DLGAP2: variants seen among roughly 807,000 people sequenced by gnomAD.
DLGAP2 encodes DLG associated protein 2.
In DLGAP2, 26 loss-of-function variants were observed where a neutral mutation model predicts 100.3. The observed-to-expected ratio is 0.26, with a 90% CI of 0.19 to 0.36. The LOEUF is 0.36. Ranked by LOEUF, DLGAP2 falls within the 10% of genes least tolerant of loss-of-function variation. The pLI, the probability that DLGAP2 is intolerant of heterozygous loss-of-function variation, is 1.00. For missense variants in DLGAP2, 1,858 were observed against 1,453.2 expected, an observed-to-expected ratio of 1.28 and a Z score of -4.53; for synonymous variants, 886 against 630.1, an observed-to-expected ratio of 1.41 and a Z score of -6.08.
intron 3 of DLGAP2, among the ~76,000 whole-genome samples, chr8:1,332,870 C>T (rs543505957): frequency 2.0e-5 from 3 of 152,300 alleles, no homozygotes; most frequent in African/African-American, 4.8e-5. Flanking sequence ...GTGCAGCAGA[C>T]ACGTGTGTTG....
At chr8:947,598 G>T (rs138172220) in intron 2 of DLGAP2, among the ~76,000 whole-genome samples, 136 of 152,148 alleles carry the variant, frequency 8.9e-4, no homozygotes, top group African/African-American at 3.1e-3. Context: ...CACACCAACC[G>T]GCCCAGGCCC....
chr8:846,890 G>C (rs1033551992), intron 1 of DLGAP2, among the ~76,000 whole-genome samples: 4 of 152,122 alleles, frequency 2.6e-5, no homozygotes, highest in Non-Finnish European at 5.9e-5. Flanking sequence ...GCTTGCTCTT[G>C]TTTTGTTTAG....
At chr8:1,306,114 A>C (rs537471244) in intron 3 of DLGAP2, among the ~76,000 whole-genome samples, 10 of 151,618 alleles carry the variant, frequency 6.6e-5, no homozygotes, top group African/African-American at 2.4e-4. Context: ...AAAAAATAGA[A>C]AATCATCCAA....
At chr8:1,187,061 G>T (rs1797521109) in intron 2 of DLGAP2, among the ~76,000 whole-genome samples, 1 of 152,134 alleles carries the variant, frequency 6.6e-6, no homozygotes, top group African/African-American at 2.4e-5. Context: ...TCCCATGGAA[G>T]GGCTGTTCTG....
chr8:1,092,122 T>G (rs772462967), intron 2 of DLGAP2, among the ~76,000 whole-genome samples: 6 of 152,206 alleles, frequency 3.9e-5, no homozygotes, highest in Admixed American at 6.5e-5. Context: ...GGCCGGTGTC[T>G]GCCCCTTCAT....
At chr8:1,100,507 GGTGTGT>G (rs112136851) in intron 2 of DLGAP2, among the ~76,000 whole-genome samples, 1 of 151,078 alleles carries the variant, frequency 6.6e-6, no homozygotes, top group African/African-American at 2.4e-5. Context: ...TAGAGTTTGT[GGTGTGT>G]GTGTGTGTGT....
chr8:1,371,084 A>G (rs973145808), intron 3 of DLGAP2, among the ~76,000 whole-genome samples: 1 of 152,214 alleles, frequency 6.6e-6, no homozygotes, highest in African/African-American at 2.4e-5. Context: ...AGGCACTGTC[A>G]TTGCTTTTAT....
In DLGAP2 at chr8:1,257,475, C is replaced by A. The variant is rs531385888; in HGVS notation, c.74-1376C>A. On this transcript the variant is annotated intron_variant, in intron 2 of 14. Transcript: ENST00000637795. ...CCTTCTGGGCAGATGCTGCTGCTGT[C>A]CCCTGCCTGTCCACCTTGTCCGTGC... Among the ~76,000 whole-genome samples the A allele has an allele frequency of 1.2e-3, 182 of 151,210 alleles. 2 individuals are homozygous for A. In the South Asian group the frequency reaches 0.019, roughly 16 times the overall value.
chr8:1,528,265 C>T (rs892566381), intron 4 of DLGAP2, among the ~76,000 whole-genome samples: 1 of 152,210 alleles, frequency 6.6e-6, no homozygotes, highest in Non-Finnish European at 1.5e-5. Context: ...AAGCAGGAGC[C>T]CACCCCAGGC....
At chr8:1,308,117 C>G (rs189284752) in intron 3 of DLGAP2, among the ~76,000 whole-genome samples, 71 of 152,340 alleles carry the variant, frequency 4.7e-4, no homozygotes, top group Admixed American at 1.7e-3. Flanking sequence ...AGACCTGCAG[C>G]TTTCACCTCA....
At chr8:1,484,334 T>A (rs987373650) in intron 3 of DLGAP2, among the ~76,000 whole-genome samples, 6 of 152,222 alleles carry the variant, frequency 3.9e-5, no homozygotes, top group African/African-American at 1.4e-4. Flanking sequence ...CATTTCTGAT[T>A]TAAAAAAGAA....
chr8:1,688,873 A>T (rs1799180712), intron 12 of DLGAP2, among the ~76,000 whole-genome samples: 1 of 152,156 alleles, frequency 6.6e-6, no homozygotes, highest in African/African-American at 2.4e-5. Context: ...CTTTCAAATC[A>T]AGGTTATCTC....
At chr8:787,833 C>G (rs751292938) in intron 1 of DLGAP2, among the ~76,000 whole-genome samples, 8 of 152,198 alleles carry the variant, frequency 5.3e-5, no homozygotes, top group Admixed American at 4.6e-4. Context: ...GGTTTGGGCT[C>G]GCTCAGCACT....
intron 2 of DLGAP2, among the ~76,000 whole-genome samples, chr8:1,218,030 C>T (rs1441055308): frequency 6.6e-6 from 1 of 152,080 alleles, no homozygotes; most frequent in Non-Finnish European, 1.5e-5. Flanking sequence ...CAGATATTTT[C>T]TCCCATTCTA....
chr8:1,200,950 G>A (rs973204714), intron 2 of DLGAP2, among the ~76,000 whole-genome samples: 1 of 152,206 alleles, frequency 6.6e-6, no homozygotes, highest in African/African-American at 2.4e-5. Context: ...AGCGTGTTGT[G>A]CACGGCGGGG....
intron 6 of DLGAP2, among the ~76,000 whole-genome samples, chr8:1,585,690 C>A (rs992794731): frequency 1.3e-5 from 2 of 152,214 alleles, no homozygotes; most frequent in Non-Finnish European, 2.9e-5. Context: ...AACCTGGCGG[C>A]CCCGTGCCCC....
intron 2 of DLGAP2, chr8:1,137,889 C>T (rs1796450671): frequency 6.6e-6 from 1 of 152,244 alleles, no homozygotes. Flanking sequence ...CTCCGGGGTT[C>T]AAGCAGTTCT....
At chr8:838,675 G>A (rs776080774) in intron 1 of DLGAP2, among the ~76,000 whole-genome samples, 1 of 152,100 alleles carries the variant, frequency 6.6e-6, no homozygotes, top group Non-Finnish European at 1.5e-5. Context: ...ATATTGTCAT[G>A]TTAATGCAAT....
At chr8:1,373,968 T>C (rs1039328014) in intron 3 of DLGAP2, among the ~76,000 whole-genome samples, 20 of 152,208 alleles carry the variant, frequency 1.3e-4, no homozygotes, top group African/African-American at 4.6e-4. Context: ...AATTTCTCTT[T>C]ATTGTAACCC....
Sources: gnomAD v4.1 joint callset for allele counts (sites outside exome capture counted in the v4.1 genomes callset) on GRCh38, gnomAD v4.1.1 for gene constraint, MANE v1.5 for transcripts, NCBI Gene and HGNC (gene_info 2026-07-23, HGNC 2026-07-21) for gene names.